The following PHKB variants were observed in gnomAD, a reference collection of about 807,000 sequenced individuals.
PHKB encodes phosphorylase b kinase regulatory subunit beta.
PHKB carries 122 observed loss-of-function variants against 152.1 expected under a neutral mutation model. That is an observed-to-expected ratio of 0.80 (90% confidence interval 0.69 to 0.93). The LOEUF (loss-of-function observed/expected upper bound fraction) is 0.93. Ranked by LOEUF, PHKB falls within the 40% of genes least tolerant of loss-of-function variation. The probability of loss-of-function intolerance (pLI) is 0.00; values close to 1 mark genes in which losing one functional copy is unlikely to be tolerated. For synonymous variants in PHKB, 436 were observed against 464.9 expected (o/e 0.94, Z 0.80); for missense variants, 1,304 against 1,328.4 (o/e 0.98, Z 0.29).
chr16:47,500,817 T>A (rs1356064023), intron 3 of PHKB, among the ~76,000 whole-genome samples: 1 of 152,208 alleles, frequency 6.6e-6, no homozygotes, highest in Non-Finnish European at 1.5e-5. Flanking sequence ...TTAACCATAA[T>A]TAAGATCAGT....
intron 14 of PHKB, among the ~76,000 whole-genome samples, chr16:47,640,396 G>A (rs958735656): frequency 3.3e-5 from 5 of 152,076 alleles, no homozygotes; most frequent in Non-Finnish European, 5.9e-5. Flanking sequence ...ACATGTTATA[G>A]CGAATCTTTA....
chr16:47,488,824 A>G (rs1280985797), intron 1 of PHKB, among the ~76,000 whole-genome samples: 1 of 152,138 alleles, frequency 6.6e-6, no homozygotes, highest in African/African-American at 2.4e-5. Context: ...TTATACTAGT[A>G]CCATGCTGTT....
chr16:47,669,416 G>A lies in PHKB; in HGVS notation c.2629G>A (p.Gly877Arg), dbSNP rs150902092. ...CAGTGGCATGCTGAAAATACGAATC[G>A]GGTGAGTGAAGTCCTTTGCATTTGC... ...LFSGMLKIRI[G>R]WIIHAMEYEL... Residue 877 changes from glycine to arginine, a missense_variant and splice_region_variant, in exon 26 of 31, where the codon GGG becomes AGG. Transcript: ENST00000323584. 1.7e-4 allele frequency: 279 copies of A among 1,613,616 alleles called. No homozygotes were observed. The highest frequency in any genetic ancestry group is 6.9e-5 in the Non-Finnish European group (81 of 1,179,688).
intron 12 of PHKB, among the ~76,000 whole-genome samples, chr16:47,595,626 A>G (rs371641748): frequency 1.3e-5 from 2 of 152,202 alleles, no homozygotes; most frequent in East Asian, 3.8e-4. Context: ...TCTTCATTTA[A>G]GATTACACAG....
intron 13 of PHKB, chr16:47,597,833 G>A (rs1474492363): frequency 6.6e-6 from 1 of 151,380 alleles, no homozygotes; most frequent in African/African-American, 2.4e-5. Context: ...ATGTAATTAG[G>A]TTAAGAAAAT....
chr16:47,536,201 G>A (rs775086670), intron 6 of PHKB, among the ~76,000 whole-genome samples: 7 of 152,134 alleles, frequency 4.6e-5, no homozygotes, highest in Admixed American at 1.3e-4. Context: ...ACAGTCATGT[G>A]CCATCACACC....
At chr16:47,606,283 T>C (rs79777030) in intron 13 of PHKB, among the ~76,000 whole-genome samples, 17 of 152,322 alleles carry the variant, frequency 1.1e-4, no homozygotes, top group Non-Finnish European at 2.4e-4. Context: ...TATAGAAATA[T>C]TCCTAAAACT....
chr16:47,566,500 G>T, intron 7 of PHKB: 2 of 1,607,048 alleles, frequency 1.2e-6, no homozygotes, highest in Middle Eastern at 2.3e-4. Flanking sequence ...AACTTCTCTG[G>T]ATTGCTGGGT....
At chr16:47,461,932 A>G (rs1272139701) in intron 1 of PHKB, among the ~76,000 whole-genome samples, 1 of 152,164 alleles carries the variant, frequency 6.6e-6, no homozygotes, top group Non-Finnish European at 1.5e-5. Flanking sequence ...CCTGTCATCT[A>G]TCTAGCAGAA....
chr16:47,526,079 C>A (rs1347235524), intron 6 of PHKB, among the ~76,000 whole-genome samples: 2 of 152,026 alleles, frequency 1.3e-5, no homozygotes, highest in African/African-American at 4.8e-5. Context: ...AAGAACTAAC[C>A]AGCCTCTAAC....
rs763252427 is a variant in PHKB at position 47,698,575 on chromosome 16, A to G, written c.3131A>G (p.Glu1044Gly). The G allele has an allele frequency of 1.3e-6, 2 of 1,593,328 alleles. No individual in the cohort carries two copies. The highest frequency in any genetic ancestry group is 1.7e-6 in the Non-Finnish European group (2 of 1,165,804). Residue 1044 changes from glutamate to glycine, a missense_variant, in exon 30 of 31, where the codon GAA (glutamate) becomes GGA (glycine). Glu to Gly is a moderately conservative substitution (Grantham distance 98). Coordinates refer to ENST00000323584, the MANE Select transcript of PHKB (RefSeq NM_000293.3). ...EFQKDQSRLK[E>G]IEKQDDMTSF... ...CAAAAAGATCAGAGTCGGCTAAAGG[A>G]AATTGAAAAACAAGTAAGTACACAG...
chr16:47,628,618 A>G (rs945790156), intron 14 of PHKB, among the ~76,000 whole-genome samples: 3 of 152,360 alleles, frequency 2.0e-5, no homozygotes, highest in African/African-American at 4.8e-5. Context: ...TACATGCTAT[A>G]TGATTTAACA....
At chr16:47,559,820 C>G (rs965130481) in intron 7 of PHKB, among the ~76,000 whole-genome samples, 1 of 152,196 alleles carries the variant, frequency 6.6e-6, no homozygotes, top group Non-Finnish European at 1.5e-5. Context: ...GACTCCATCT[C>G]TTGATGGGGA....
chr16:47,497,295 A>G, intron 1 of PHKB, 104 bp from the exon 2 acceptor site: 1 of 734,596 alleles, frequency 1.4e-6, no homozygotes, highest in African/African-American at 1.7e-5. Flanking sequence ...CACATAAAAT[A>G]ATGGAAGTTA....
chr16:47,549,529 A>T (rs1345620793), intron 7 of PHKB, among the ~76,000 whole-genome samples: 1 of 150,830 alleles, frequency 6.6e-6, no homozygotes, highest in Non-Finnish European at 1.5e-5. Flanking sequence ...GTCTCTACTT[A>T]AAAAAAAATA....
intron 26 of PHKB, among the ~76,000 whole-genome samples, chr16:47,679,444 A>C (rs1389205052): frequency 4.6e-5 from 7 of 151,986 alleles, no homozygotes; most frequent in Non-Finnish European, 8.8e-5. Flanking sequence ...CTTTTATTTC[A>C]TTGAGCAGTG....
intron 14 of PHKB, among the ~76,000 whole-genome samples, chr16:47,616,082 T>C (rs1972509184): frequency 6.6e-6 from 1 of 152,202 alleles, no homozygotes; most frequent in African/African-American, 2.4e-5. Context: ...TTCTGAGACC[T>C]TTATATGATT....
chr16:47,578,719 C>T (rs1971790648), intron 7 of PHKB, among the ~76,000 whole-genome samples: 1 of 152,054 alleles, frequency 6.6e-6, no homozygotes, highest in Non-Finnish European at 1.5e-5. Context: ...TGACTTCTTC[C>T]TTGTAGTTTT....
intron 11 of PHKB, among the ~76,000 whole-genome samples, 180 bp downstream of exon 11, chr16:47,593,737 T>C (rs907514058): frequency 6.6e-6 from 1 of 152,124 alleles, no homozygotes; most frequent in African/African-American, 2.4e-5. Context: ...GCTTTCTGAG[T>C]GAATGCTAAA....
Sources: gnomAD v4.1 joint callset for allele counts (sites outside exome capture counted in the v4.1 genomes callset) on GRCh38, gnomAD v4.1.1 for gene constraint, MANE v1.5 for transcripts, NCBI Gene and HGNC (gene_info 2026-07-23, HGNC 2026-07-21) for gene names.